MYO16: variants seen among roughly 807,000 people sequenced by gnomAD.
MYO16 encodes myosin XVI, also known as unconventional myosin-XVI.
A neutral mutation model predicts 205.3 loss-of-function variants in MYO16; 94 were observed. That is an observed-to-expected ratio of 0.46 (90% CI 0.39 to 0.54). The LOEUF (loss-of-function observed/expected upper bound fraction) is 0.54. MYO16 is among the 20% of genes least tolerant of loss of function. The pLI is 0.00. For synonymous variants in MYO16, 988 were observed against 954.0 expected (o/e 1.04, Z -0.66); for missense variants, 2,315 against 2,387.5 (o/e 0.97, Z 0.63).
chr13:108,604,494 T>A (rs111825316), intron 1 of MYO16, among the ~76,000 whole-genome samples: 1 of 152,172 alleles, frequency 6.6e-6, no homozygotes, highest in Non-Finnish European at 1.5e-5. Flanking sequence ...TTTATTGCAA[T>A]GGTGATAGCA....
intron 4 of MYO16, among the ~76,000 whole-genome samples, chr13:108,739,878 C>T (rs1884840110): frequency 6.6e-6 from 1 of 152,184 alleles, no homozygotes; most frequent in African/African-American, 2.4e-5. Context: ...CACTTCATTT[C>T]ATTCATTTGA....
chr13:108,552,169 A>G, the MYO16 span, among the ~76,000 whole-genome samples: 3 of 152,160 alleles, frequency 2.0e-5, no homozygotes, highest in Non-Finnish European at 2.9e-5. Flanking sequence ...GAGCAAGGTC[A>G]TCTGGCTACA....
chr13:108,727,297 G>A, intron 3 of MYO16, 143 bp from the exon 4 acceptor site: 3 of 756,222 alleles, frequency 4.0e-6, no homozygotes, highest in Non-Finnish European at 6.2e-6. Context: ...GGTTAGTTGG[G>A]GAAATACATC....
At position 108,680,309 on chromosome 13, in the gene MYO16, A is replaced by C. The variant is rs907274207; in HGVS notation, c.292+14160A>C. 3.9e-5 allele frequency among the ~76,000 whole-genome samples: 6 copies of C among 152,286 alleles called. No individual in the cohort carries two copies. In the South Asian group the frequency reaches 1.2e-3, roughly 32 times the overall value. On this transcript the variant is annotated intron_variant, in intron 2 of 34. Transcript: ENST00000457511. ...AATTACTGTCCATGTTATTTTTTGC[A>C]TATTTGTTTTGCAAATTAACATAAG...
chr13:108,510,651 G>A, the MYO16 span, among the ~76,000 whole-genome samples: 1 of 44,966 alleles, frequency 2.2e-5, no homozygotes, highest in Non-Finnish European at 4.1e-5. Context: ...AGTCCCCAGA[G>A]TGTGATATTC....
At chr13:108,824,230 A>C (rs1876138456) in intron 9 of MYO16, among the ~76,000 whole-genome samples, 1 of 152,106 alleles carries the variant, frequency 6.6e-6, no homozygotes, top group South Asian at 2.1e-4. Flanking sequence ...ATAAATTATT[A>C]AACATTGGAA....
chr13:108,798,622 CATT>C (rs765472040), intron 6 of MYO16, among the ~76,000 whole-genome samples: 59 of 149,290 alleles, frequency 4.0e-4, no homozygotes, highest in Non-Finnish European at 7.3e-4. Context: ...ATTATGAAGA[CATT>C]GTTGTTTTAT....
Position 109,125,267 on chromosome 13 carries a change from C to T in MYO16, c.3691C>T (p.Arg1231Trp), listed in dbSNP as rs774342164. 1.2e-5 allele frequency: 19 copies of T among 1,613,932 alleles called. No individual in the cohort carries two copies. Among genetic ancestry groups the T allele is most frequent in the East Asian group, 4.5e-5 (2 of 44,892 alleles). ...LVIQNASDIA[R>W]ENDRLRSEMN... ...CATTCAGAATGCTTCAGACATTGCC[C>T]GGGAAAATGACCGGCTCCGTAGTGA... Residue 1231 changes from arginine (R) to tryptophan (W), a missense_variant, in exon 30 of 35, where the codon CGG (arginine) becomes TGG (tryptophan). Physicochemically the swap from Arg to Trp is moderately radical, Grantham distance 101. Transcript: ENST00000457511. This position sits in a 1 kb window ranked among gnomAD's most constrained non-coding sequence, Gnocchi z 4.0.
At position 109,052,346 on chromosome 13, in the gene MYO16, A is replaced by G. The variant is rs752885602; in HGVS notation, c.2919A>G (p.Ser973=). Residue 973 remains serine, a synonymous_variant, in exon 25 of 35, where the codon TCA becomes TCG. Coordinates refer to ENST00000457511, the MANE Select transcript of MYO16 (RefSeq NM_001198950.3). ...VINHLFQSKL[S]QTGSLVSAYP... ...ATCATTTGTTCCAGTCGAAATTGTC[A>G]CAAACAGGATCCCTCGTATCTGCCT... is the stretch of plus-strand genomic sequence containing the variant. 2 of 1,613,324 alleles carry G rather than the reference A, an allele frequency of 1.2e-6. No homozygotes were observed. The highest frequency in any genetic ancestry group is 2.7e-5 in the African/African-American group (2 of 74,890).
intron 2 of MYO16, among the ~76,000 whole-genome samples, chr13:108,676,379 G>GTA: frequency 8.5e-6 from 1 of 117,652 alleles, no homozygotes; most frequent in East Asian, 4.0e-4. Flanking sequence ...ACGCGTGTGT[G>GTA]TGTGTGTGTG....
the MYO16 span, among the ~76,000 whole-genome samples, chr13:108,539,703 T>C: frequency 2.6e-5 from 4 of 152,116 alleles, no homozygotes; most frequent in Non-Finnish European, 5.9e-5. Context: ...TAGTCAACCA[T>C]TGAAGATCCA....
chr13:109,119,328 C>A (rs1206013931), intron 28 of MYO16, among the ~76,000 whole-genome samples: 1 of 152,206 alleles, frequency 6.6e-6, no homozygotes, highest in Non-Finnish European at 1.5e-5. Context: ...ACATGTTAGA[C>A]TTCTCACTTT....
intron 1 of MYO16, among the ~76,000 whole-genome samples, chr13:108,633,405 C>T (rs548745097): frequency 6.6e-5 from 10 of 152,238 alleles, no homozygotes; most frequent in East Asian, 1.9e-4. Flanking sequence ...AGTCCAAAAG[C>T]GGAAGAACTT....
the MYO16 span, among the ~76,000 whole-genome samples, chr13:108,582,834 C>T: frequency 2.6e-5 from 4 of 152,174 alleles, no homozygotes; most frequent in South Asian, 2.1e-4. Context: ...TAAAAGTTTC[C>T]GAGTACTCCT....
At chr13:109,204,879 A>C (rs1880536409) in intron 34 of MYO16, among the ~76,000 whole-genome samples, 1 of 152,080 alleles carries the variant, frequency 6.6e-6, no homozygotes, top group Non-Finnish European at 1.5e-5. Flanking sequence ...TTACGAAAGC[A>C]CCTAGCACAC....
intron 10 of MYO16, among the ~76,000 whole-genome samples, chr13:108,849,390 C>T (rs1213976805): frequency 6.6e-6 from 1 of 152,072 alleles, no homozygotes; most frequent in Non-Finnish European, 1.5e-5. Context: ...AGGGTTTCAC[C>T]ACGTTAGTCA....
intron 21 of MYO16, among the ~76,000 whole-genome samples, chr13:109,007,298 T>A (rs550570933): frequency 4.0e-5 from 6 of 150,784 alleles, no homozygotes; most frequent in Non-Finnish European, 8.9e-5. Flanking sequence ...TGAGGCAGGA[T>A]AATGGTGTGA....
intron 6 of MYO16, among the ~76,000 whole-genome samples, chr13:108,796,548 A>C (rs929419103): frequency 2.6e-5 from 4 of 152,190 alleles, no homozygotes; most frequent in African/African-American, 7.2e-5. Context: ...CTGGATTAAG[A>C]AAATGTGGCA....
chr13:109,060,798 G>A (rs1887569141), intron 27 of MYO16, among the ~76,000 whole-genome samples: 2 of 152,116 alleles, frequency 1.3e-5, no homozygotes, highest in East Asian at 1.9e-4. Flanking sequence ...ATTACCAGCT[G>A]TATTAGCCCC....
Sources: gnomAD v4.1 joint callset for allele counts (sites outside exome capture counted in the v4.1 genomes callset) on GRCh38, gnomAD v4.1.1 for gene constraint, Gnocchi (gnomAD v3.1) non-coding constraint, MANE v1.5 for transcripts, NCBI Gene and HGNC (gene_info 2026-07-23, HGNC 2026-07-21) for gene names.